SNPH: variants seen among roughly 807,000 people sequenced by gnomAD.
SNPH encodes the protein syntaphilin.
SNPH carries 10 observed loss-of-function variants against 36.8 expected under a neutral mutation model. That is an observed-to-expected ratio of 0.27 (90% CI 0.17 to 0.46). The LOEUF (loss-of-function observed/expected upper bound fraction) is 0.46. Ranked by LOEUF, SNPH falls within the 20% of genes least tolerant of loss-of-function variation. SNPH has a pLI of 1.00. For missense variants in SNPH, 622 were observed against 744.0 expected (o/e 0.84, Z 1.91); for synonymous variants, 281 against 312.2 (o/e 0.90, Z 1.05).
At chr20:1,284,562 G>C (rs2088262553) in intron 2 of SNPH, among the ~76,000 whole-genome samples, 1 of 152,198 alleles carries the variant, frequency 6.6e-6, no homozygotes, top group South Asian at 2.1e-4. Context: ...TAGGAGGAGG[G>C]GTTGTATTTT....
chr20:1,291,651 CTCTGT>C (rs5839899), intron 2 of SNPH, among the ~76,000 whole-genome samples: 108,000 of 151,658 alleles, frequency 0.71, 39,009 homozygotes, highest in Non-Finnish European at 0.79. Context: ...CCAAGTTCTG[CTCTGT>C]TGATTGCAAT....
intron 5 of SNPH, among the ~76,000 whole-genome samples, chr20:1,300,337 G>A: frequency 6.6e-6 from 1 of 152,202 alleles, no homozygotes; most frequent in East Asian, 1.9e-4. Context: ...AACTAGAGGA[G>A]CCCTGAAGCC....
At chr20:1,282,267 T>C (rs898055385) in intron 2 of SNPH, among the ~76,000 whole-genome samples, 7 of 152,204 alleles carry the variant, frequency 4.6e-5, no homozygotes, top group African/African-American at 1.7e-4. Flanking sequence ...AAATAATTAT[T>C]CACAAAGATA....
At chr20:1,288,534 G>T (rs976817372) in intron 2 of SNPH, among the ~76,000 whole-genome samples, 1 of 152,200 alleles carries the variant, frequency 6.6e-6, no homozygotes, top group Non-Finnish European at 1.5e-5. Context: ...CATGGAAAGG[G>T]CTTCTCCTTT....
intron 2 of SNPH, among the ~76,000 whole-genome samples, chr20:1,274,431 T>C (rs1474827756): frequency 6.6e-6 from 1 of 152,064 alleles, no homozygotes; most frequent in East Asian, 1.9e-4. Flanking sequence ...TCTGGGCTGC[T>C]CACATAGGGC....
intron 6 of SNPH, among the ~76,000 whole-genome samples, chr20:1,303,761 A>G (rs2088532606): frequency 6.6e-6 from 1 of 152,112 alleles, no homozygotes; most frequent in Non-Finnish European, 1.5e-5. Flanking sequence ...ATGGTGCTTG[A>G]TCTGGGACGG....
rs2122394037 is a variant in SNPH, at chr20:1,296,096, T to C, written c.-144T>C. On this transcript the variant is annotated 5_prime_UTR_variant, in exon 4 of 7. Transcript: ENST00000381867. Reference sequence around the variant, plus strand: ...GAGAACACAGGGTTGGACTGATTACTTTTAGCCACTCCTGACAGTTGTGGT... The same window carrying C: ...GAGAACACAGGGTTGGACTGATTACCTTTAGCCACTCCTGACAGTTGTGGT... The C allele has an allele frequency of 3.1e-6, 2 of 651,852 alleles. No individual in the cohort carries two copies. Among genetic ancestry groups the C allele is most frequent in the Middle Eastern group, 4.2e-4 (1 of 2,360 alleles). 40.4% of individuals were successfully genotyped at this position (651,852 alleles called of 1,614,324 possible).
chr20:1,308,566 T>G lies in SNPH; in HGVS notation c.*2512T>G, dbSNP rs1273112631. On this transcript the variant is annotated 3_prime_UTR_variant, in exon 7 of 7. Transcript: ENST00000381867. ...GCGGTGGAGGTGCGGCAGCTGCTGC[T>G]CAGGTGCCATGCCCTGAAGAGGCAG... 1 of 152,654 alleles carries G rather than the reference T, an allele frequency of 6.6e-6. No individual in the cohort carries two copies. The highest frequency in any genetic ancestry group is 1.5e-5 in the Non-Finnish European group (1 of 68,434). 9.5% of individuals were successfully genotyped at this position (152,654 alleles called of 1,614,324 possible). A position where few individuals can be genotyped will look rare whatever the true frequency, so the allele number is the denominator to read the frequency against.
At position 1,294,272 on chromosome 20, in the gene SNPH, C is replaced by T. The variant is rs911992659; in HGVS notation, c.-492-679C>T. Among the ~76,000 whole-genome samples the T allele has an allele frequency of 6.6e-6, 1 of 152,202 alleles. No individual in the cohort carries two copies. The highest frequency in any genetic ancestry group is 1.5e-5 in the Non-Finnish European group (1 of 68,034). On this transcript the variant is annotated intron_variant, in intron 2 of 6. Transcript: ENST00000381867. The surrounding 1 kb of genome is among the most constrained non-coding windows in gnomAD (Gnocchi z 4.4). ...AGAGCACTCAGCATGGCCACCTTAC[C>T]ACTGAAGGATTCAGGCAATGGCAGG...
At position 1,266,631 on chromosome 20, in the gene SNPH, A is replaced by C. The variant is rs949682969; in HGVS notation, c.-599-23A>C. ...CGCCCGCGCTCACCCGCCCCGGTCT[A>C]TCTCTTTTTCCTAACCCCGCAGGTC... On this transcript the variant is annotated intron_variant, in intron 1 of 6. Transcript: ENST00000381867. The surrounding 1 kb of genome is among the most constrained non-coding windows in gnomAD (Gnocchi z 6.0). 6 of 1,484,152 alleles carry C rather than the reference A, an allele frequency of 4.0e-6. No individual in the cohort carries two copies. The highest frequency in any genetic ancestry group is 3.0e-5 in the East Asian group (1 of 33,248). The allele number at this position is 1,484,152 out of a possible 1,614,324, so 91.9% of individuals were successfully genotyped here. A position where few individuals can be genotyped will look rare whatever the true frequency, so the allele number is the denominator to read the frequency against.
intron 2 of SNPH, among the ~76,000 whole-genome samples, chr20:1,281,092 G>C (rs1042795013): frequency 6.6e-6 from 1 of 152,154 alleles, no homozygotes; most frequent in Non-Finnish European, 1.5e-5. Context: ...AGAATATTGA[G>C]TAGGCAGCGA....
chr20:1,298,333 C>T (rs1195436911), intron 5 of SNPH, among the ~76,000 whole-genome samples: 1 of 152,162 alleles, frequency 6.6e-6, no homozygotes, highest in Non-Finnish European at 1.5e-5. Flanking sequence ...GCCTGTGGCT[C>T]CCATGGCTGG....
rs964782741 is a variant in SNPH, at chr20:1,286,069, G to A, written c.-492-8882G>A. Among the ~76,000 whole-genome samples the A allele has an allele frequency of 3.0e-5, 4 of 135,072 alleles. No individual in the cohort carries two copies. In the East Asian group the frequency reaches 6.4e-4, roughly 21 times the overall value. 88.6% of individuals were successfully genotyped at this position (135,072 alleles called of 152,430 possible). On this transcript the variant is annotated intron_variant, in intron 2 of 6. Transcript: ENST00000381867. Reference sequence around the variant, plus strand: ...TGCGCCACTGCACTCTAGCCTGAGCGACAGAGCGAGACTCCATCTTAAAAA... The same window carrying A: ...TGCGCCACTGCACTCTAGCCTGAGCAACAGAGCGAGACTCCATCTTAAAAA...
rs1365758501 is a variant in SNPH at position 1,305,250 on chromosome 20, C to T, written c.813C>T (p.Arg271=). The T allele has an allele frequency of 1.9e-6, 3 of 1,610,990 alleles. No homozygotes were observed. Among genetic ancestry groups the T allele is most frequent in the Admixed American group, 3.3e-5 (2 of 60,004 alleles). Residue 271 remains arginine, a synonymous_variant, in exon 7 of 7, where the codon CGC becomes CGT. Transcript: ENST00000381867. ...KLSDPAVCGD[R]QPGDPSSGSA... is the part of the protein sequence containing the mutation. ...GTGACCCGGCTGTCTGTGGTGACCG[C>T]CAGCCGGGTGATCCCTCCAGCGGCT... is the stretch of plus-strand genomic sequence containing the variant.
intron 2 of SNPH, among the ~76,000 whole-genome samples, chr20:1,280,425 C>T (rs2088203287): frequency 6.6e-6 from 1 of 152,174 alleles, no homozygotes; most frequent in Admixed American, 6.5e-5. Flanking sequence ...GAGAGCTTTC[C>T]AGGAAGACAG....
At chr20:1,288,618 T>C (rs2122343081) in intron 2 of SNPH, among the ~76,000 whole-genome samples, 1 of 150,762 alleles carries the variant, frequency 6.6e-6, no homozygotes, top group Non-Finnish European at 1.5e-5. Flanking sequence ...AATTTCTTTT[T>C]CTTTTTTTCT....
At chr20:1,280,210 G>A (rs1038302003) in intron 2 of SNPH, among the ~76,000 whole-genome samples, 4 of 152,048 alleles carry the variant, frequency 2.6e-5, no homozygotes, top group African/African-American at 7.2e-5. Flanking sequence ...ACACACACAT[G>A]TGTGTGTGTG....
At chr20:1,296,556 G>A (rs888815698) in intron 4 of SNPH, 135 bp downstream of exon 4, 6 of 720,462 alleles carry the variant, frequency 8.3e-6, no homozygotes, top group South Asian at 5.8e-5. Flanking sequence ...AAATGAGCTT[G>A]CTAACACCTG....
Position 1,283,687 on chromosome 20 carries a change from C to T in SNPH, c.-492-11264C>T, listed in dbSNP as rs1568542629. On this transcript the variant is annotated intron_variant, in intron 2 of 6. Coordinates refer to ENST00000381867, the MANE Select transcript of SNPH (RefSeq NM_001318234.2). ...CGGCCGTGGGCTGCCAGTTTGGAATCTCCGTAGTCACCTGTCTCTGAGCAC... is the reference window on the plus strand; with the variant it reads ...CGGCCGTGGGCTGCCAGTTTGGAATTTCCGTAGTCACCTGTCTCTGAGCAC... Among the ~76,000 whole-genome samples, 2 of 152,180 alleles carry T rather than the reference C, an allele frequency of 1.3e-5. 1 individual carries two copies. Among genetic ancestry groups the T allele is most frequent in the Admixed American group, 1.3e-4 (2 of 15,284 alleles).
Sources: gnomAD v4.1 joint callset for allele counts (sites outside exome capture counted in the v4.1 genomes callset) on GRCh38, gnomAD v4.1.1 for gene constraint, Gnocchi (gnomAD v3.1) non-coding constraint, MANE v1.5 for transcripts, NCBI Gene and HGNC (gene_info 2026-07-23, HGNC 2026-07-21) for gene names.